The following GNAO1 variants were observed in gnomAD, a reference collection of about 807,000 sequenced individuals.
GNAO1 encodes the protein guanine nucleotide-binding protein G(o) subunit alpha.
For missense variants in GNAO1, 166 were observed against 478.7 expected (o/e 0.35, Z 6.10); for synonymous variants, 164 against 180.7 (o/e 0.91, Z 0.74).
In GNAO1 at chr16:56,354,741, T is replaced by A. The variant is rs1307236229; in HGVS notation, c.878-125T>A. 3 of 611,080 alleles carry A rather than the reference T, an allele frequency of 4.9e-6. No homozygotes were observed. The African/African-American group carries it at 5.6e-5, about 11-fold the overall frequency. The allele number at this position is 611,080 out of a possible 1,614,324, so 37.9% of individuals were successfully genotyped here. A position where few individuals can be genotyped will look rare whatever the true frequency, so the allele number is the denominator to read the frequency against. ...GGAACTGCCCAGCAGTTCCTACTGC[T>A]CCCTTCCTGTCTCATCCCACTTCCT... is the stretch of plus-strand genomic sequence containing the variant. On this transcript the variant is annotated intron_variant, in intron 7 of 8. Transcript: ENST00000262493. The surrounding 1 kb of genome is among the most constrained non-coding windows in gnomAD (Gnocchi z 4.3).
In GNAO1 at chr16:56,256,718, CTGTGTGTGTGTGTGTG is replaced by C. The variant is rs199786327; in HGVS notation, c.162-19187_162-19172del. Among the ~76,000 whole-genome samples, 285 of 72,298 alleles carry C rather than the reference CTGTGTGTGTGTGTGTG, an allele frequency of 3.9e-3. 1 individual carries two copies. Among genetic ancestry groups the C allele is most frequent in the East Asian group, 0.012 (22 of 1,810 alleles). 47.4% of individuals were successfully genotyped at this position (72,298 alleles called of 152,430 possible). On this transcript the variant is annotated intron_variant, in intron 2 of 8. Coordinates refer to ENST00000262493, the MANE Select transcript of GNAO1 (RefSeq NM_020988.3). ...TCTCTCTCTCTCTCTCTCTCTCTCT[CTGTGTGTGTGTGTGTG>C]TGTGTGTGTGTGTGTGTGTGTGTGT... is the stretch of plus-strand genomic sequence containing the variant.
chr16:56,282,892 A>T (rs2037128174), intron 3 of GNAO1, among the ~76,000 whole-genome samples: 1 of 152,200 alleles, frequency 6.6e-6, no homozygotes, highest in Admixed American at 6.5e-5. Context: ...ATGAATGTTA[A>T]GGTCTGGCCT....
At chr16:56,301,353 G>C in intron 3 of GNAO1, among the ~76,000 whole-genome samples, 1 of 152,200 alleles carries the variant, frequency 6.6e-6, no homozygotes, top group Non-Finnish European at 1.5e-5. Context: ...AGGCCTTACA[G>C]AAGGGATGTG....
chr16:56,306,326 C>T (rs780420535), intron 3 of GNAO1, among the ~76,000 whole-genome samples: 4 of 152,204 alleles, frequency 2.6e-5, no homozygotes, highest in African/African-American at 9.7e-5. Context: ...ATCGTTGTGG[C>T]GGAATCTGCA....
intron 3 of GNAO1, among the ~76,000 whole-genome samples, chr16:56,321,593 G>A (rs184395228): frequency 6.6e-6 from 1 of 152,222 alleles, no homozygotes; most frequent in African/African-American, 2.4e-5. Flanking sequence ...CTAGAATCAG[G>A]GGAGATTTAG....
intron 2 of GNAO1, among the ~76,000 whole-genome samples, chr16:56,237,096 A>T (rs993822483): frequency 6.6e-6 from 1 of 152,256 alleles, no homozygotes; most frequent in Non-Finnish European, 1.5e-5. Context: ...TGCTTAGCAC[A>T]AAATGAGTAC....
chr16:56,263,383 A>T (rs774329755), intron 2 of GNAO1, among the ~76,000 whole-genome samples: 4 of 152,232 alleles, frequency 2.6e-5, no homozygotes, highest in Non-Finnish European at 5.9e-5. Context: ...TGCCCTGGGC[A>T]CTACAGTCTG....
intron 2 of GNAO1, among the ~76,000 whole-genome samples, chr16:56,229,409 T>G (rs1482541177): frequency 2.6e-5 from 4 of 152,174 alleles, no homozygotes; most frequent in Non-Finnish European, 5.9e-5. Context: ...GGTTTCACCA[T>G]GTTGGCCAGG....
intron 2 of GNAO1, among the ~76,000 whole-genome samples, chr16:56,256,435 T>C (rs1218374923): frequency 1.3e-5 from 2 of 152,198 alleles, no homozygotes; most frequent in Non-Finnish European, 2.9e-5. Flanking sequence ...CCGGCATCCA[T>C]GGCTTTTGAT....
intron 3 of GNAO1, among the ~76,000 whole-genome samples, chr16:56,289,140 G>C (rs1195834310): frequency 2.0e-5 from 3 of 152,212 alleles, no homozygotes; most frequent in Non-Finnish European, 2.9e-5. Flanking sequence ...TGTTCCCACA[G>C]CCGCTGGGCT....
chr16:56,256,686 GTCTCTC>G (rs1172369417), intron 2 of GNAO1, among the ~76,000 whole-genome samples: 1,571 of 136,302 alleles, frequency 0.012, 14 homozygotes, highest in Middle Eastern at 0.015. Context: ...CTTTCTCTCT[GTCTCTC>G]TCTCTCTCTC....
chr16:56,286,958 C>T (rs554826170), intron 3 of GNAO1, among the ~76,000 whole-genome samples: 3 of 152,216 alleles, frequency 2.0e-5, no homozygotes, highest in Non-Finnish European at 2.9e-5. Flanking sequence ...TGTGCTGCCC[C>T]GTGCAGGAGA....
intron 2 of GNAO1, among the ~76,000 whole-genome samples, chr16:56,262,479 C>T (rs1415587224): frequency 2.0e-5 from 3 of 152,108 alleles, no homozygotes; most frequent in African/African-American, 7.2e-5. Context: ...CATGAGAACA[C>T]ATCTAGGCGC....
intron 6 of GNAO1, among the ~76,000 whole-genome samples, chr16:56,343,329 A>AAATAATAATAAT (rs59805466): frequency 3.4e-5 from 5 of 146,724 alleles, no homozygotes; most frequent in African/African-American, 1.1e-4. Context: ...TCTGTATTAA[A>AAATAATAATAAT]AATAATAATA....
intron 8 of GNAO1, 74 bp from the exon 9 acceptor site, chr16:56,356,029 T>G (rs972412615): frequency 6.6e-6 from 1 of 152,374 alleles, no homozygotes; most frequent in African/African-American, 2.4e-5. Flanking sequence ...TGTTCTAGGG[T>G]TTTTTGGTTG....
intron 7 of GNAO1, among the ~76,000 whole-genome samples, chr16:56,353,938 G>A (rs2037946744): frequency 6.6e-6 from 1 of 152,230 alleles, no homozygotes; most frequent in South Asian, 2.1e-4. Context: ...CCCCCAGTTG[G>A]CATCATACAT....
chr16:56,342,779 C>T (rs559326231), intron 6 of GNAO1, among the ~76,000 whole-genome samples: 1 of 152,358 alleles, frequency 6.6e-6, no homozygotes, highest in African/African-American at 2.4e-5. Context: ...CTCAAACTTC[C>T]TTGCTCATGA....
intron 2 of GNAO1, chr16:56,194,377 G>A: frequency 2.4e-6 from 1 of 419,866 alleles, no homozygotes; most frequent in Non-Finnish European, 4.8e-6. Context: ...TTCTCCCGAG[G>A]GGGGACGTTT....
Position 56,345,747 on chromosome 16 carries a change from G to A in GNAO1, c.724-5637G>A, listed in dbSNP as rs1001545235. On this transcript the variant is annotated intron_variant, in intron 6 of 8. Transcript: ENST00000262493. ...AGGGCCAGCTAAGCTAAGCCATCCC[G>A]CCCAACACAGAAGACATGGCAGTTA... is the stretch of plus-strand genomic sequence containing the variant. The A allele has an allele frequency of 6.0e-5, 59 of 985,494 alleles. No individual in the cohort carries two copies. The East Asian group carries it at 6.8e-4, about 11-fold the overall frequency. 61.0% of individuals were successfully genotyped at this position (985,494 alleles called of 1,614,324 possible). A position where few individuals can be genotyped will look rare whatever the true frequency, so the allele number is the denominator to read the frequency against.
Sources: gnomAD v4.1 joint callset for allele counts (sites outside exome capture counted in the v4.1 genomes callset) on GRCh38, gnomAD v4.1.1 for gene constraint, Gnocchi (gnomAD v3.1) non-coding constraint, MANE v1.5 for transcripts, NCBI Gene and HGNC (gene_info 2026-07-23, HGNC 2026-07-21) for gene names.